Variants in ITFG1 observed in about 807,000 individuals in gnomAD.
The protein encoded by ITFG1 is T-cell immunomodulatory protein.
ITFG1 carries 34 observed loss-of-function variants against 81.8 expected under a neutral mutation model. The observed-to-expected ratio is 0.42, with a 90% CI of 0.32 to 0.55. The LOEUF is 0.55. ITFG1 is among the 20% of genes least tolerant of loss of function. The pLI, the probability that ITFG1 is intolerant of heterozygous loss-of-function variation, is 0.17. For synonymous variants in ITFG1, 285 were observed against 270.6 expected, an observed-to-expected ratio of 1.05 and a Z score of -0.52; for missense variants, 672 against 755.4, an observed-to-expected ratio of 0.89 and a Z score of 1.29.
rs111949608 is a variant in ITFG1, at chr16:47,208,471, G to A, written c.1453+10397C>T. Among the ~76,000 whole-genome samples, 311 of 152,298 alleles carry A rather than the reference G, an allele frequency of 2.0e-3. 4 individuals carry two copies. The highest frequency in any genetic ancestry group is 7.1e-3 in the African/African-American group (296 of 41,564). On this transcript the variant is annotated intron_variant, in intron 14 of 17. Coordinates refer to ENST00000320640, the MANE Select transcript of ITFG1 (RefSeq NM_030790.5). Reference sequence around the variant, plus strand: ...TTTCCAGCTATGAGACTAGTATGAGGCACTGTATCTTCTACAACCTGGAGC... The same window carrying A: ...TTTCCAGCTATGAGACTAGTATGAGACACTGTATCTTCTACAACCTGGAGC...
chr16:47,324,704 C>G (rs1353459338), intron 8 of ITFG1, among the ~76,000 whole-genome samples: 1 of 152,102 alleles, frequency 6.6e-6, no homozygotes, highest in Non-Finnish European at 1.5e-5. Flanking sequence ...ATAAAACAGA[C>G]TTTAAACCAA....
rs188071969 is a variant in ITFG1, at chr16:47,270,868, C to T, written c.1071-10173G>A. 3.3e-3 allele frequency among the ~76,000 whole-genome samples: 495 copies of T among 151,320 alleles called. 5 individuals carry two copies. The highest frequency in any genetic ancestry group is 0.013 in the South Asian group (62 of 4,824). On this transcript the variant is annotated intron_variant, in intron 10 of 17. Transcript: ENST00000320640. The stretch of plus-strand genomic sequence containing the variant: ...TTAGAAAATGCAATCTAATCTACAG[C>T]GACAGAAAGCAGATCAGTGGTTTCC...
chr16:47,345,192 C>G (rs559586159), intron 8 of ITFG1, among the ~76,000 whole-genome samples: 10 of 151,716 alleles, frequency 6.6e-5, no homozygotes, highest in African/African-American at 2.2e-4. Context: ...CTTCCTGGGC[C>G]ACAATGGAAG....
intron 13 of ITFG1, among the ~76,000 whole-genome samples, chr16:47,223,072 AC>A (rs1567428121): frequency 6.6e-6 from 1 of 151,620 alleles, no homozygotes; most frequent in Non-Finnish European, 1.5e-5. Flanking sequence ...TACACCTTAT[AC>A]AAAAATCAAT....
chr16:47,171,426 C>CT (rs541328581), intron 14 of ITFG1, among the ~76,000 whole-genome samples: 3 of 151,090 alleles, frequency 2.0e-5, no homozygotes, highest in South Asian at 4.2e-4. Flanking sequence ...TGCCTTTTCC[C>CT]TTTTTTTTTA....
At chr16:47,163,914 T>TACACACACACAC (rs56117889) in intron 14 of ITFG1, among the ~76,000 whole-genome samples, 2 of 139,322 alleles carry the variant, frequency 1.4e-5, no homozygotes, top group African/African-American at 5.2e-5. Flanking sequence ...GAAGCTCAAC[T>TACACACACACAC]ACACACACAC....
rs571473346 is a variant in ITFG1, at chr16:47,186,459, C to T, written c.1454-23795G>A. Among the ~76,000 whole-genome samples the T allele has an allele frequency of 6.7e-4, 102 of 152,230 alleles. 2 individuals are homozygous for T. In the East Asian group the frequency reaches 0.015, roughly 22 times the overall value. On this transcript the variant is annotated intron_variant, in intron 14 of 17. Coordinates refer to ENST00000320640, the MANE Select transcript of ITFG1 (RefSeq NM_030790.5). The stretch of plus-strand genomic sequence containing the variant: ...TGGGATGCAAGGCTGGTTCAATATA[C>T]GCAAATCAATAAATGTAATCCAGCA...
At chr16:47,441,988 G>T (rs1969258110) in intron 5 of ITFG1, among the ~76,000 whole-genome samples, 1 of 152,098 alleles carries the variant, frequency 6.6e-6, no homozygotes, top group African/African-American at 2.4e-5. Flanking sequence ...AAAGTCTCAG[G>T]ATACAAAATC....
chr16:47,312,864 T>A (rs1198186052), intron 9 of ITFG1: 3 of 152,232 alleles, frequency 2.0e-5, no homozygotes, highest in African/African-American at 7.2e-5. Flanking sequence ...TTTGAAAATA[T>A]TCTTACAGTA....
intron 12 of ITFG1, 74 bp from the exon 13 acceptor site, chr16:47,238,082 G>A: frequency 2.5e-6 from 2 of 798,962 alleles, no homozygotes; most frequent in South Asian, 1.7e-5. Context: ...TTCTCCCTAA[G>A]ATCCATTAAT....
chr16:47,352,211 A>G (rs1967969307), intron 8 of ITFG1, among the ~76,000 whole-genome samples: 2 of 152,230 alleles, frequency 1.3e-5, no homozygotes, highest in Non-Finnish European at 2.9e-5. Context: ...GACAAATGGG[A>G]TGTAATTAAA....
At chr16:47,326,471 C>T (rs1243193605) in intron 8 of ITFG1, among the ~76,000 whole-genome samples, 1 of 152,036 alleles carries the variant, frequency 6.6e-6, no homozygotes, top group Admixed American at 6.6e-5. Flanking sequence ...AAGTTCTGGC[C>T]AGGGCAATTA....
chr16:47,237,037 T>A (rs1309646303), intron 13 of ITFG1, among the ~76,000 whole-genome samples: 5 of 152,190 alleles, frequency 3.3e-5, no homozygotes, highest in African/African-American at 1.2e-4. Context: ...CGGGCCACAT[T>A]TGAAGGATCA....
chr16:47,285,079 A>G (rs1966864377), intron 10 of ITFG1, among the ~76,000 whole-genome samples: 2 of 152,068 alleles, frequency 1.3e-5, no homozygotes, highest in Admixed American at 1.3e-4. Flanking sequence ...CCCTCGTTAC[A>G]GTCTTTTGTT....
rs146692735 is a variant in ITFG1 at position 47,362,978 on chromosome 16, C to T, written c.802+2810G>A. On this transcript the variant is annotated intron_variant, in intron 8 of 17. Coordinates refer to ENST00000320640, the MANE Select transcript of ITFG1 (RefSeq NM_030790.5). ...GTGGCACGATCACTGTTCACTGCAA[C>T]GTCTGCCTCCCAGGCTCAAGTGATC... Among the ~76,000 whole-genome samples the T allele has an allele frequency of 5.5e-3, 831 of 152,258 alleles. 6 individuals carry two copies. Among genetic ancestry groups the T allele is most frequent in the Middle Eastern group, 0.01 (3 of 294 alleles).
chr16:47,366,292 T>C (rs867978010), intron 7 of ITFG1, among the ~76,000 whole-genome samples: 1 of 152,180 alleles, frequency 6.6e-6, no homozygotes, highest in Non-Finnish European at 1.5e-5. Context: ...TACAAAGACA[T>C]GTTTTGCAGA....
chr16:47,326,092 C>A lies in ITFG1; in HGVS notation c.803-12269G>T, dbSNP rs571810975. ...AATCCTCAATAAAATACTGGCAAAC[C>A]GAATCCAGCAACACATAAAAAGCTT... On this transcript the variant is annotated intron_variant, in intron 8 of 17. Coordinates refer to ENST00000320640, the MANE Select transcript of ITFG1 (RefSeq NM_030790.5). 2.0e-4 allele frequency among the ~76,000 whole-genome samples: 30 copies of A among 152,178 alleles called. 2 individuals are homozygous for A. The South Asian group carries it at 5.8e-3, about 30-fold the overall frequency.
chr16:47,321,148 A>T (rs1161353176), intron 8 of ITFG1, among the ~76,000 whole-genome samples: 1 of 152,234 alleles, frequency 6.6e-6, no homozygotes, highest in African/African-American at 2.4e-5. Context: ...TGACTGTAGC[A>T]TAGATGAGCT....
intron 10 of ITFG1, among the ~76,000 whole-genome samples, chr16:47,264,695 T>C (rs904932259): frequency 2.6e-5 from 4 of 152,068 alleles, no homozygotes; most frequent in African/African-American, 9.7e-5. Context: ...CAGTTAAACC[T>C]AAATGGTCTC....
Sources: gnomAD v4.1 joint callset for allele counts (sites outside exome capture counted in the v4.1 genomes callset) on GRCh38, gnomAD v4.1.1 for gene constraint, MANE v1.5 for transcripts, NCBI Gene and HGNC (gene_info 2026-07-23, HGNC 2026-07-21) for gene names.